The following ZC2HC1B variants were observed in gnomAD, a reference collection of about 807,000 sequenced individuals.
The protein encoded by ZC2HC1B is zinc finger C2HC-type containing 1B, also known as zinc finger C2HC domain-containing protein 1B.
Under a neutral mutation model 31.0 loss-of-function variants are expected in ZC2HC1B, and 36 were observed. That is an observed-to-expected ratio of 1.16 (90% CI 0.89 to 1.54). The LOEUF (loss-of-function observed/expected upper bound fraction) is 1.54, where lower values mean the gene tolerates loss of function less well. Ranked by LOEUF, ZC2HC1B falls within the 40% of genes most tolerant of loss-of-function variation. The probability of loss-of-function intolerance (pLI) is 0.00; values close to 1 mark genes in which losing one functional copy is unlikely to be tolerated. For synonymous variants in ZC2HC1B, 73 were observed against 88.0 expected (o/e 0.83, Z 0.95); for missense variants, 260 against 268.6 (o/e 0.97, Z 0.22).
Position 143,883,947 on chromosome 6 carries a change from G to A in ZC2HC1B, c.29-357G>A, listed in dbSNP as rs1777502411. Among the ~76,000 whole-genome samples the A allele has an allele frequency of 6.6e-6, 1 of 152,140 alleles. No individual in the cohort carries two copies. Among genetic ancestry groups the A allele is most frequent in the Non-Finnish European group, 1.5e-5 (1 of 68,032 alleles). ...ACATTCTAGTAGGAGTCCCAAAGAT[G>A]TTACCACTGGTGGTAAAAATACCAC... is the stretch of plus-strand genomic sequence containing the variant. On this transcript the variant is annotated intron_variant, in intron 1 of 7. Coordinates refer to ENST00000237275, the MANE Select transcript of ZC2HC1B (RefSeq NM_001013623.3). The surrounding 1 kb of genome is among the most constrained non-coding windows in gnomAD (Gnocchi z 4.1).
In ZC2HC1B at chr6:143,869,011, C is replaced by T. The variant is rs1034035861; in HGVS notation, c.28+4444C>T. 2.0e-5 allele frequency among the ~76,000 whole-genome samples: 3 copies of T among 152,206 alleles called. No individual in the cohort carries two copies. The highest frequency in any genetic ancestry group is 4.4e-5 in the Non-Finnish European group (3 of 68,024). On this transcript the variant is annotated intron_variant, in intron 1 of 7. Coordinates refer to ENST00000237275, the MANE Select transcript of ZC2HC1B (RefSeq NM_001013623.3). This position sits in a 1 kb window ranked among gnomAD's most constrained non-coding sequence, Gnocchi z 5.2. ...CAGTCCTCATTTCTGCAGCTGGTCA[C>T]GTGGTCATAGCTGGTATTGATGACT...
At chr6:143,929,374 G>C (rs548352688) in intron 6 of ZC2HC1B, among the ~76,000 whole-genome samples, 33 of 152,308 alleles carry the variant, frequency 2.2e-4, no homozygotes, top group African/African-American at 6.3e-4. Context: ...TTGATGTGAT[G>C]AATCACATTT....
In ZC2HC1B at chr6:143,871,219, ACTT is replaced by A. The variant is rs955638388; in HGVS notation, c.28+6656_28+6658del. The stretch of plus-strand genomic sequence containing the variant: ...CACCAATAAGTCCAGTGTGTTTACT[ACTT>A]CTTGCTCACTGGATCCAGTCAGCAT... On this transcript the variant is annotated intron_variant, in intron 1 of 7. Transcript: ENST00000237275. This position sits in a 1 kb window ranked among gnomAD's most constrained non-coding sequence, Gnocchi z 4.1. Among the ~76,000 whole-genome samples the A allele has an allele frequency of 3.3e-5, 5 of 152,098 alleles. No homozygotes were observed. Among genetic ancestry groups the A allele is most frequent in the African/African-American group, 1.2e-4 (5 of 41,414 alleles).
chr6:143,879,358 G>T (rs945990600), intron 1 of ZC2HC1B, among the ~76,000 whole-genome samples: 2 of 152,122 alleles, frequency 1.3e-5, no homozygotes, highest in African/African-American at 4.8e-5. Context: ...TAGCTTTATT[G>T]GGGTTTAGGG....
chr6:143,894,371 C>T (rs778469997), intron 4 of ZC2HC1B, among the ~76,000 whole-genome samples: 2 of 152,038 alleles, frequency 1.3e-5, no homozygotes, highest in African/African-American at 2.4e-5. Flanking sequence ...TTTGGGGTGA[C>T]GAAAATGTTC....
rs973066060 is a variant in ZC2HC1B at position 143,887,228 on chromosome 6, C to A, written c.349+407C>A. On this transcript the variant is annotated intron_variant, in intron 4 of 7. Coordinates refer to ENST00000237275, the MANE Select transcript of ZC2HC1B (RefSeq NM_001013623.3). The surrounding 1 kb of genome is among the most constrained non-coding windows in gnomAD (Gnocchi z 5.1). Reference sequence around the variant, plus strand: ...CATTTGAAGCTGTACAATTTAGTACCCACAGCTTTTTTTACTGGAAACATT... The same window carrying A: ...CATTTGAAGCTGTACAATTTAGTACACACAGCTTTTTTTACTGGAAACATT... Among the ~76,000 whole-genome samples, 3 of 151,980 alleles carry A rather than the reference C, an allele frequency of 2.0e-5. No individual in the cohort carries two copies. Among genetic ancestry groups the A allele is most frequent in the Admixed American group, 2.0e-4 (3 of 15,258 alleles).
chr6:143,925,122 T>C (rs2128497261), intron 6 of ZC2HC1B, among the ~76,000 whole-genome samples: 1 of 152,018 alleles, frequency 6.6e-6, no homozygotes. Context: ...GTGCTGAGCT[T>C]TTCTTTGTTG....
rs1209923379 is a variant in ZC2HC1B at position 143,885,901 on chromosome 6, A to C, written c.91-131A>C. ...AGCCAGATGGATTTGCTCTGCTGTG[A>C]CCTGTTAGAGAATGAACTAGGCTCT... On this transcript the variant is annotated intron_variant, in intron 2 of 7. Coordinates refer to ENST00000237275, the MANE Select transcript of ZC2HC1B (RefSeq NM_001013623.3). The surrounding 1 kb of genome is among the most constrained non-coding windows in gnomAD (Gnocchi z 4.2). The C allele has an allele frequency of 2.3e-5, 23 of 1,011,266 alleles. No homozygotes were observed. The highest frequency in any genetic ancestry group is 2.9e-5 in the Non-Finnish European group (22 of 750,924). 62.6% of individuals were successfully genotyped at this position (1,011,266 alleles called of 1,614,324 possible).
chr6:143,894,719 T>A (rs918247389), intron 4 of ZC2HC1B, among the ~76,000 whole-genome samples: 1 of 152,206 alleles, frequency 6.6e-6, no homozygotes, highest in African/African-American at 2.4e-5. Flanking sequence ...ACAAGTTTCA[T>A]ATAACAAAAA....
rs774249598 is a variant in ZC2HC1B, at chr6:143,917,140, C to A, written c.598+13988C>A. ...TATTCTCGTGATAGTGAGTAAGTCT[C>A]ATGAGATCTGACGACTTTAAAAAGA... On this transcript the variant is annotated intron_variant, in intron 6 of 7. Transcript: ENST00000237275. This position sits in a 1 kb window ranked among gnomAD's most constrained non-coding sequence, Gnocchi z 4.1. 6.6e-6 allele frequency among the ~76,000 whole-genome samples: 1 copy of A among 152,176 alleles called. No individual in the cohort carries two copies. Among genetic ancestry groups the A allele is most frequent in the Non-Finnish European group, 1.5e-5 (1 of 68,034 alleles).
rs751314839 is a variant in ZC2HC1B at position 143,870,806 on chromosome 6, C to T, written c.28+6239C>T. Among the ~76,000 whole-genome samples the T allele has an allele frequency of 2.6e-5, 4 of 152,176 alleles. No homozygotes were observed. The highest frequency in any genetic ancestry group is 2.1e-4 in the South Asian group (1 of 4,830). ...GCCTGCCAAAGGCTCCAAACAGCAT[C>T]GCCATCTGCCACTGACACCTCAAGT... On this transcript the variant is annotated intron_variant, in intron 1 of 7. Coordinates refer to ENST00000237275, the MANE Select transcript of ZC2HC1B (RefSeq NM_001013623.3). The surrounding 1 kb of genome is among the most constrained non-coding windows in gnomAD (Gnocchi z 4.7).
rs1253843812 is a variant in ZC2HC1B, at chr6:143,872,240, T to C, written c.28+7673T>C. Among the ~76,000 whole-genome samples the C allele has an allele frequency of 6.6e-6, 1 of 152,182 alleles. No individual in the cohort carries two copies. The highest frequency in any genetic ancestry group is 1.5e-5 in the Non-Finnish European group (1 of 68,030). On this transcript the variant is annotated intron_variant, in intron 1 of 7. Coordinates refer to ENST00000237275, the MANE Select transcript of ZC2HC1B (RefSeq NM_001013623.3). The surrounding 1 kb of genome is among the most constrained non-coding windows in gnomAD (Gnocchi z 5.5). ...TCGTAAACTGGCTCAAGTCTGGAAA[T>C]TAAGGGGCCATGATTCTCTGTTTTT... is the stretch of plus-strand genomic sequence containing the variant.
In ZC2HC1B at chr6:143,895,273, C is replaced by A. The variant is rs920196986; in HGVS notation, c.350-3279C>A. ...CGCCTCCCAGGTTCAAGCAATTCTC[C>A]TGTTTCAGCCTCCTGAGTAGCTGGG... On this transcript the variant is annotated intron_variant, in intron 4 of 7. Coordinates refer to ENST00000237275, the MANE Select transcript of ZC2HC1B (RefSeq NM_001013623.3). This position sits in a 1 kb window ranked among gnomAD's most constrained non-coding sequence, Gnocchi z 4.8. Among the ~76,000 whole-genome samples, 10 of 152,154 alleles carry A rather than the reference C, an allele frequency of 6.6e-5. No homozygotes were observed. Among genetic ancestry groups the A allele is most frequent in the Non-Finnish European group, 1.5e-4 (10 of 68,038 alleles).
At chr6:143,897,594 T>C (rs1020772170) in intron 4 of ZC2HC1B, among the ~76,000 whole-genome samples, 3 of 151,864 alleles carry the variant, frequency 2.0e-5, no homozygotes, top group African/African-American at 7.3e-5. Flanking sequence ...CGGTGAACTT[T>C]CCTATCATCC....
chr6:143,901,362 C>A (rs548743988), intron 5 of ZC2HC1B, among the ~76,000 whole-genome samples: 1 of 143,236 alleles, frequency 7.0e-6, no homozygotes, highest in Non-Finnish European at 1.5e-5. Context: ...CGGGTTCAAG[C>A]GATTCTTGTG....
intron 6 of ZC2HC1B, among the ~76,000 whole-genome samples, chr6:143,929,901 A>G (rs1249507500): frequency 6.6e-6 from 1 of 152,068 alleles, no homozygotes; most frequent in African/African-American, 2.4e-5. Flanking sequence ...GTAGTCTCTG[A>G]TGATCTTTTG....
intron 6 of ZC2HC1B, 28 bp from the exon 7 acceptor site, chr6:143,937,618 CATA>C: frequency 6.6e-7 from 1 of 1,520,722 alleles, no homozygotes. Context: ...TCTGCTTTGA[CATA>C]ATAACAAATC....
rs938535175 is a variant in ZC2HC1B, at chr6:143,887,463, A to G, written c.349+642A>G. 2.0e-5 allele frequency among the ~76,000 whole-genome samples: 3 copies of G among 152,120 alleles called. No individual in the cohort carries two copies. Among genetic ancestry groups the G allele is most frequent in the African/African-American group, 7.2e-5 (3 of 41,420 alleles). On this transcript the variant is annotated intron_variant, in intron 4 of 7. Transcript: ENST00000237275. This position sits in a 1 kb window ranked among gnomAD's most constrained non-coding sequence, Gnocchi z 5.1. ...AAGTATGAGTTCCTTTTCCTGCATA[A>G]TCACAATACTATTATCACACTTGAT...
At chr6:143,876,435 T>A (rs1777409233) in intron 1 of ZC2HC1B, among the ~76,000 whole-genome samples, 1 of 150,474 alleles carries the variant, frequency 6.6e-6, no homozygotes, top group Admixed American at 6.6e-5. Context: ...AGTCTATCAG[T>A]GTTCTGCATA....
Sources: allele counts gnomAD v4.1 joint callset (sites outside exome capture counted in the v4.1 genomes callset), GRCh38; gene constraint gnomAD v4.1.1; non-coding constraint Gnocchi (gnomAD v3.1); transcripts MANE v1.5; gene names NCBI Gene and HGNC (gene_info 2026-07-23, HGNC 2026-07-21).